Variants in ENO1 observed in about 807,000 individuals in gnomAD.
ENO1 encodes the protein alpha-enolase.
Under a neutral mutation model 46.3 loss-of-function variants are expected in ENO1, and 33 were observed. That is an observed-to-expected ratio of 0.71 (90% CI 0.54 to 0.95). The LOEUF (loss-of-function observed/expected upper bound fraction) is 0.95. ENO1 is among the 40% of genes least tolerant of loss of function. The probability of loss-of-function intolerance (pLI) is 0.00; values close to 1 mark genes in which losing one functional copy is unlikely to be tolerated. For synonymous variants in ENO1, 220 were observed against 216.0 expected (o/e 1.02, Z -0.16); for missense variants, 488 against 553.3 (o/e 0.88, Z 1.18).
chr1:8,876,589 T>G (rs528947887), intron 1 of ENO1, among the ~76,000 whole-genome samples: 2 of 152,152 alleles, frequency 1.3e-5, no homozygotes, highest in Non-Finnish European at 2.9e-5. Flanking sequence ...GTTTTCATTT[T>G]AGTGACTTAA....
At chr1:8,867,913 C>T in intron 5 of ENO1, 75 bp downstream of exon 5, 9 of 1,342,020 alleles carry the variant, frequency 6.7e-6, no homozygotes, top group African/African-American at 1.4e-5. Flanking sequence ...TCATGGGCCT[C>T]TTCCTGAAAG....
rs368586611 is a variant in ENO1 at position 8,866,499 on chromosome 1, C to A, written c.447G>T (p.Ala149=). 6.2e-7 allele frequency: 1 copy of A among 1,614,180 alleles called. No individual in the cohort carries two copies. The change falls in exon 7 of 12, where the codon GCG becomes GCT. Residue 149 remains alanine (A), a splice_region_variant and synonymous_variant. Transcript: ENST00000234590. Reference sequence around the variant, plus strand: ...GAGAACCGCCATTGATGACATTGAACGCCTGGGGAGAGCAGAGCAGAGAAG... The same window carrying A: ...GAGAACCGCCATTGATGACATTGAAAGCCTGGGGAGAGCAGAGCAGAGAAG... ...GNSEVILPVP[A]FNVINGGSHA...
At chr1:8,869,742 T>G (rs1642591528) in intron 4 of ENO1, among the ~76,000 whole-genome samples, 1 of 152,076 alleles carries the variant, frequency 6.6e-6, no homozygotes, top group Non-Finnish European at 1.5e-5. Context: ...GTACTTTTAG[T>G]AGAGATAGGG....
chr1:8,864,301 G>T (rs1192735434), intron 8 of ENO1, among the ~76,000 whole-genome samples: 3 of 152,012 alleles, frequency 2.0e-5, no homozygotes, highest in Non-Finnish European at 4.4e-5. Flanking sequence ...ACAATCCTGG[G>T]TATCTATAGA....
At chr1:8,876,364 C>G (rs1249271367) in intron 1 of ENO1, 1 of 152,104 alleles carries the variant, frequency 6.6e-6, no homozygotes, top group African/African-American at 2.4e-5. Flanking sequence ...TACTAGGTTC[C>G]AAAAAGGCAA....
chr1:8,867,257 C>G lies in ENO1; in HGVS notation c.311-7G>C. On this transcript the variant is annotated splice_polypyrimidine_tract_variant and splice_region_variant and intron_variant, in intron 5 of 11. Coordinates refer to ENST00000234590, the MANE Select transcript of ENO1 (RefSeq NM_001428.5). ...GCGTTCGCACCAAACTTAGCTAGAACAGAAGAGAACCGAGTGGAATGAAGT... is the reference window on the plus strand; with the variant it reads ...GCGTTCGCACCAAACTTAGCTAGAAGAGAAGAGAACCGAGTGGAATGAAGT... 2.5e-6 allele frequency: 4 copies of G among 1,613,924 alleles called. No individual in the cohort carries two copies. The highest frequency in any genetic ancestry group is 3.4e-6 in the Non-Finnish European group (4 of 1,179,862).
At chr1:8,876,801 A>C (rs1642742459) in intron 1 of ENO1, among the ~76,000 whole-genome samples, 1 of 151,928 alleles carries the variant, frequency 6.6e-6, no homozygotes. Context: ...GTCTCAGAAA[A>C]AAAAAAAAAG....
chr1:8,867,576 G>C (rs1354355966), intron 5 of ENO1, among the ~76,000 whole-genome samples: 1 of 150,794 alleles, frequency 6.6e-6, no homozygotes, highest in Non-Finnish European at 1.5e-5. Context: ...TTTTTTTTGA[G>C]ACAGAGTCTC....
chr1:8,872,432 A>G (rs372597808), intron 2 of ENO1, among the ~76,000 whole-genome samples: 2 of 149,112 alleles, frequency 1.3e-5, no homozygotes, highest in African/African-American at 2.6e-5. Flanking sequence ...CCCCCAGGCT[A>G]GAGTGTATGG....
At position 8,866,399 on chromosome 1, in the gene ENO1, G is replaced by C. The variant is rs748376947; in HGVS notation, c.547C>G (p.Arg183Gly). ...VGAANFREAM[R>G]IGAEVYHNLK... ...TTGTGGTAAACCTCTGCTCCAATGC[G>C]CATGGCTTCCCTGAAGTTTGCTGCA... The change falls in exon 7 of 12, where the codon CGC becomes GGC. Residue 183 changes from arginine (R) to glycine (G), a missense_variant. Physicochemically the swap from Arg to Gly is moderately radical, Grantham distance 125. Transcript: ENST00000234590. The C allele has an allele frequency of 6.2e-7, 1 of 1,614,194 alleles. No individual in the cohort carries two copies. The highest frequency in any genetic ancestry group is 1.7e-5 in the Admixed American group (1 of 60,030).
chr1:8,872,021 A>T (rs1415762480), intron 2 of ENO1, 35 bp from the exon 3 acceptor site: 2 of 1,583,272 alleles, frequency 1.3e-6, no homozygotes, highest in East Asian at 4.5e-5. Context: ...GTAGCAATTC[A>T]GAAATCCAGT....
At chr1:8,874,123 AAG>A (rs1642688075) in intron 2 of ENO1, 1 of 152,160 alleles carries the variant, frequency 6.6e-6, no homozygotes, top group African/African-American at 2.4e-5. Flanking sequence ...TCCCCTTATC[AAG>A]AGATACCATC....
intron 2 of ENO1, among the ~76,000 whole-genome samples, chr1:8,874,206 G>A (rs1642689527): frequency 6.6e-6 from 1 of 152,160 alleles, no homozygotes; most frequent in Non-Finnish European, 1.5e-5. Flanking sequence ...CCCCTTTAGG[G>A]ACAAGGTCTT....
rs764967196 is a variant in ENO1, at chr1:8,863,904, C to T, written c.1054G>A (p.Glu352Lys). 12 of 1,613,802 alleles carry T rather than the reference C, an allele frequency of 7.4e-6. No homozygotes were observed. The highest frequency in any genetic ancestry group is 4.4e-5 in the South Asian group (4 of 91,078). ...GAAGACACTTACGCCTGAAGAGACT[C>T]GGTCACGGAGCCAATCTGGTTGACT... ...LKVNQIGSVT[E>K]SLQACKLAQA... The change falls in exon 9 of 12, where the codon GAG (glutamate) becomes AAG (lysine). Residue 352 changes from glutamate to lysine, a missense_variant. Physicochemically the swap from Glu to Lys is moderately conservative, Grantham distance 56. Transcript: ENST00000234590.
intron 4 of ENO1, chr1:8,870,125 A>G (rs1642599707): frequency 3.0e-6 from 1 of 333,714 alleles, no homozygotes; most frequent in Non-Finnish European, 5.6e-6. Context: ...ATTAGTCACC[A>G]TGGACACTAC....
chr1:8,874,083 T>C (rs1475661715), intron 2 of ENO1: 1 of 152,148 alleles, frequency 6.6e-6, no homozygotes, highest in Non-Finnish European at 1.5e-5. Context: ...GTCACAGAGA[T>C]AAAGGTGCTA....
intron 3 of ENO1, 92 bp downstream of exon 3, chr1:8,871,793 CTGCAAG>C (rs1642638716): frequency 4.0e-5 from 56 of 1,393,768 alleles, no homozygotes; most frequent in Non-Finnish European, 5.6e-5. Flanking sequence ...TGCCATAAAC[CTGCAAG>C]TGCAAGTGCC....
intron 9 of ENO1, 45 bp downstream of exon 9, chr1:8,863,846 C>T: frequency 6.2e-7 from 1 of 1,607,298 alleles, no homozygotes. Flanking sequence ...TTCTGATTCA[C>T]AAGCCGTAGC....
chr1:8,862,710 T>C (rs1569892724), intron 11 of ENO1, among the ~76,000 whole-genome samples, 177 bp downstream of exon 11: 1 of 151,646 alleles, frequency 6.6e-6, no homozygotes, highest in Non-Finnish European at 1.5e-5. Flanking sequence ...GTAGGGGGAG[T>C]CTAGGCCTAA....
Sources: gnomAD v4.1 joint callset for allele counts (sites outside exome capture counted in the v4.1 genomes callset) on GRCh38, gnomAD v4.1.1 for gene constraint, MANE v1.5 for transcripts, NCBI Gene and HGNC (gene_info 2026-07-23, HGNC 2026-07-21) for gene names.